Variants in GPR107 observed in about 807,000 individuals in gnomAD.
The protein encoded by GPR107 is protein GPR107.
GPR107 carries 31 observed loss-of-function variants against 75.5 expected under a neutral mutation model. The ratio of observed to expected loss-of-function variants is 0.41; its 90% CI spans 0.31 to 0.55. GPR107 has a LOEUF of 0.55. GPR107 is among the 20% of genes least tolerant of loss of function. GPR107 has a pLI of 0.26. For missense variants in GPR107, 572 were observed against 665.7 expected (o/e 0.86, Z 1.55); for synonymous variants, 267 against 251.3 (o/e 1.06, Z -0.59).
In GPR107 at chr9:130,136,020, T is replaced by A. The variant is rs1255791356; in HGVS notation, c.*899T>A. On this transcript the variant is annotated 3_prime_UTR_variant, in exon 18 of 18. Coordinates refer to ENST00000347136, the MANE Select transcript of GPR107 (RefSeq NM_020960.5). Reference sequence around the variant, plus strand: ...TCAGAATTTTGGGGGAAATGGAAAGTTTTCCTCAAGGAGCAGCTGGGGGCA... The same window carrying A: ...TCAGAATTTTGGGGGAAATGGAAAGATTTCCTCAAGGAGCAGCTGGGGGCA... 1 of 152,206 alleles carries A rather than the reference T, an allele frequency of 6.6e-6. No homozygotes were observed. The highest frequency in any genetic ancestry group is 1.5e-5 in the Non-Finnish European group (1 of 68,054). 9.4% of individuals were successfully genotyped at this position (152,206 alleles called of 1,614,324 possible).
chr9:130,079,533 AGG>A lies in GPR107; in HGVS notation c.387-96_387-95del, dbSNP rs1472502070. ...AGAATCTACATTGTAGAACATGATA[AGG>A]ACTGCATGAGCTTGGCACAGGGCCT... is the stretch of plus-strand genomic sequence containing the variant. On this transcript the variant is annotated intron_variant, in intron 4 of 17. Transcript: ENST00000347136. 4 of 879,256 alleles carry A rather than the reference AGG, an allele frequency of 4.5e-6. No homozygotes were observed. In the African/African-American group the frequency reaches 6.7e-5, roughly 15 times the overall value. The allele number at this position is 879,256 out of a possible 1,614,324, so 54.5% of individuals were successfully genotyped here. A position where few individuals can be genotyped will look rare whatever the true frequency, so the allele number is the denominator to read the frequency against.
intron 14 of GPR107, among the ~76,000 whole-genome samples, chr9:130,120,484 C>T (rs1292078041): frequency 6.6e-6 from 1 of 152,192 alleles, no homozygotes. Flanking sequence ...CCTCCCCATC[C>T]GCATTTCCTT....
chr9:130,092,619 ATT>A (rs10710860), intron 9 of GPR107, among the ~76,000 whole-genome samples: 63 of 145,650 alleles, frequency 4.3e-4, no homozygotes, highest in Admixed American at 6.1e-4. Context: ...AATTATTATA[ATT>A]TTTTTTTTTT....
At chr9:130,054,133 G>A (rs934871220) in intron 1 of GPR107, 60 bp downstream of exon 1, 4 of 1,461,864 alleles carry the variant, frequency 2.7e-6, no homozygotes, top group African/African-American at 2.9e-5. Context: ...CGGGTTTTAG[G>A]GCAACTTTGG....
At chr9:130,093,340 G>A (rs369679233) in intron 9 of GPR107, among the ~76,000 whole-genome samples, 1 of 152,204 alleles carries the variant, frequency 6.6e-6, no homozygotes, top group African/African-American at 2.4e-5. Flanking sequence ...TTAGAGAATC[G>A]TGTAAAGTAT....
At chr9:130,106,925 C>T (rs11788668) in intron 13 of GPR107, among the ~76,000 whole-genome samples, 5,542 of 152,198 alleles carry the variant, frequency 0.036, 126 homozygotes, top group Middle Eastern at 0.078. Flanking sequence ...CCTGCGGCTC[C>T]TGTAATAATG....
chr9:130,081,468 T>C (rs953749915), intron 5 of GPR107, among the ~76,000 whole-genome samples: 1 of 151,416 alleles, frequency 6.6e-6, no homozygotes, highest in African/African-American at 2.4e-5. Context: ...GGTCAAGAGA[T>C]TGAGACCATC....
chr9:130,059,960 G>A (rs141370033), intron 1 of GPR107, among the ~76,000 whole-genome samples: 1 of 151,522 alleles, frequency 6.6e-6, no homozygotes, highest in Admixed American at 6.6e-5. Context: ...GTCTGGTCTC[G>A]AACTCCTGAC....
At chr9:130,059,552 A>G (rs528359301) in intron 1 of GPR107, among the ~76,000 whole-genome samples, 3 of 152,284 alleles carry the variant, frequency 2.0e-5, no homozygotes, top group African/African-American at 7.2e-5. Flanking sequence ...AAATATTTTG[A>G]TATTACCTGT....
chr9:130,104,293 A>C (rs1198524555), intron 12 of GPR107, 127 bp from the exon 13 acceptor site: 1 of 729,734 alleles, frequency 1.4e-6, no homozygotes, highest in Non-Finnish European at 2.3e-6. Context: ...AGCACGTGGG[A>C]CTGGAAAGAA....
intron 12 of GPR107, 121 bp downstream of exon 12, chr9:130,101,344 G>A (rs1356244130): frequency 1.5e-6 from 1 of 683,390 alleles, no homozygotes; most frequent in East Asian, 2.5e-5. Context: ...GCTAGTGGAG[G>A]TTGAAGACTG....
intron 1 of GPR107, among the ~76,000 whole-genome samples, chr9:130,058,848 T>G (rs550043157): frequency 6.6e-6 from 1 of 152,304 alleles, no homozygotes; most frequent in South Asian, 2.1e-4. Flanking sequence ...AATTCATTCC[T>G]TTTTACTGTT....
chr9:130,070,476 G>A (rs1830178199), intron 1 of GPR107, among the ~76,000 whole-genome samples: 1 of 151,970 alleles, frequency 6.6e-6, no homozygotes, highest in Non-Finnish European at 1.5e-5. Context: ...GCTACTTTTT[G>A]TATTTTTTGT....
chr9:130,077,107 CG>C (rs772151548), intron 3 of GPR107, among the ~76,000 whole-genome samples, 191 bp from the exon 4 acceptor site: 3 of 151,048 alleles, frequency 2.0e-5, no homozygotes, highest in Non-Finnish European at 4.4e-5. Flanking sequence ...AGGATGGTCT[CG>C]ATCTCCTGAC....
At chr9:130,090,619 T>C (rs1746647122) in intron 7 of GPR107, among the ~76,000 whole-genome samples, 1 of 152,188 alleles carries the variant, frequency 6.6e-6, no homozygotes, top group African/African-American at 2.4e-5. Context: ...AAAATTGTTG[T>C]AACAAAATAT....
chr9:130,059,107 G>T (rs1829866705), intron 1 of GPR107, among the ~76,000 whole-genome samples: 2 of 152,152 alleles, frequency 1.3e-5, no homozygotes, highest in Non-Finnish European at 2.9e-5. Context: ...TTTCCAAAGT[G>T]GCTCTACCAT....
intron 14 of GPR107, among the ~76,000 whole-genome samples, chr9:130,109,463 G>A (rs1220003061): frequency 1.3e-5 from 2 of 151,832 alleles, no homozygotes; most frequent in African/African-American, 2.4e-5. Context: ...GAACCACCAC[G>A]CCCAGCCTCT....
At chr9:130,079,893 A>G in intron 5 of GPR107, 124 bp downstream of exon 5, 1 of 528,958 alleles carries the variant, frequency 1.9e-6, no homozygotes, top group Non-Finnish European at 3.1e-6. Flanking sequence ...TTTGGAAGTT[A>G]CACAAAAATA....
At chr9:130,085,753 G>GTTTTT (rs1189602398) in intron 6 of GPR107, among the ~76,000 whole-genome samples, 1 of 32,260 alleles carries the variant, frequency 3.1e-5, no homozygotes, top group Non-Finnish European at 5.7e-5. Context: ...GCAATATTTT[G>GTTTTT]ATTTTTTTTT....
Sources: gnomAD v4.1 joint callset for allele counts (sites outside exome capture counted in the v4.1 genomes callset) on GRCh38, gnomAD v4.1.1 for gene constraint, MANE v1.5 for transcripts, NCBI Gene and HGNC (gene_info 2026-07-23, HGNC 2026-07-21) for gene names.